Variants in PLEC observed in about 807,000 individuals in gnomAD.
The protein encoded by PLEC is hemidesmosomal protein 1.
In PLEC, 216 loss-of-function variants were observed where a neutral mutation model predicts 392.8. That is an observed-to-expected ratio of 0.55 (90% CI 0.49 to 0.62). The LOEUF is 0.62. PLEC is among the 20% of genes least tolerant of loss of function. PLEC has a pLI of 0.00. For missense variants in PLEC, 6,863 were observed against 6,563.4 expected, an observed-to-expected ratio of 1.05 and a Z score of -1.58; for synonymous variants, 3,621 against 2,980.6, an observed-to-expected ratio of 1.21 and a Z score of -7.00.
chr8:143,942,888 G>A (rs1260715528), upstream of PLEC, among the ~76,000 whole-genome samples: 1 of 152,236 alleles, frequency 6.6e-6, no homozygotes, highest in African/African-American at 2.4e-5. Context: ...GCAGAACCGA[G>A]GAGCTGAGCC....
At chr8:143,946,057 C>A (rs1028339172) in intron 1 of PLEC, among the ~76,000 whole-genome samples, 14 of 152,262 alleles carry the variant, frequency 9.2e-5, no homozygotes, top group African/African-American at 3.4e-4. Flanking sequence ...GCTGGGGAAG[C>A]CTCAGAGGAG....
chr8:143,957,654 TGGCTGCCCTGGCCACAGGCCCA>T (rs1554739593), upstream of PLEC, among the ~76,000 whole-genome samples: 1 of 152,148 alleles, frequency 6.6e-6, no homozygotes, highest in Non-Finnish European at 1.5e-5. Context: ...CCCCAGGCCC[TGGCTGCCCTGGCCACAGGCCCA>T]GGCCAAAGAA....
chr8:143,930,678 G>A (rs1826976027), intron 19 of PLEC, 142 bp from the exon 20 acceptor site: 6 of 871,070 alleles, frequency 6.9e-6, no homozygotes, highest in Non-Finnish European at 8.9e-6. Context: ...AGGTATAGCT[G>A]GGACAGGCCC....
chr8:143,924,355 C>G lies in PLEC; in HGVS notation c.5574G>C (p.Glu1858Asp). 6.3e-7 allele frequency: 1 copy of G among 1,597,180 alleles called. No individual in the cohort carries two copies. The highest frequency in any genetic ancestry group is 8.5e-7 in the Non-Finnish European group (1 of 1,178,796). Reference sequence around the variant, plus strand: ...GCAGGCGCTCGTTCTCCGCCTCCTTCTCCTTGAGCGCGATCTCCGCCTCCG... The same window carrying G: ...GCAGGCGCTCGTTCTCCGCCTCCTTGTCCTTGAGCGCGATCTCCGCCTCCG... The part of the protein sequence containing the change: ...LKTEAEIALK[E>D]KEAENERLRR... The change falls in exon 31 of 32, where the codon GAG (glutamate) becomes GAC (aspartate). Residue 1858 changes from glutamate (E) to aspartate (D), a missense_variant. Physicochemically the swap from Glu to Asp is conservative, Grantham distance 45. Coordinates refer to ENST00000345136, the MANE Select transcript of PLEC (RefSeq NM_201384.3).
chr8:143,923,778 C>A lies in PLEC; in HGVS notation c.6151G>T (p.Glu2051Ter). Residue 2051 changes from glutamate (E) to a stop codon, truncating the protein, a stop_gained, in exon 31 of 32, where the codon GAG becomes TAG. Transcript: ENST00000345136. LOFTEE classifies it high-confidence loss of function. Reference protein sequence around the residue: ...EAAQKRLQAEEKAHAFAVQQK... With the variant: ...EAAQKRLQAE ...TGCACCGCGAAGGCGTGTGCCTTCT[C>A]TTCCGCCTGCAGCCGCTTCTGGGCG... The A allele has an allele frequency of 1.3e-6, 2 of 1,571,736 alleles. No individual in the cohort carries two copies. Among genetic ancestry groups the A allele is most frequent in the South Asian group, 1.1e-5 (1 of 87,626 alleles).
chr8:143,930,659 G>T, intron 19 of PLEC, 123 bp from the exon 20 acceptor site: 1 of 1,001,926 alleles, frequency 1.0e-6, no homozygotes, highest in South Asian at 1.5e-5. Flanking sequence ...GGCAGCACTT[G>T]GAAGCAGGAG....
At chr8:143,938,308 C>G in intron 2 of PLEC, 68 bp from the exon 3 acceptor site, 1 of 1,537,384 alleles carries the variant, frequency 6.5e-7, no homozygotes, top group Admixed American at 1.9e-5. Flanking sequence ...AGTGGCTGAT[C>G]TACAGAGTGG....
At chr8:143,942,571 G>C, upstream of PLEC, 1 of 1,488,274 alleles carries the variant, frequency 6.7e-7, no homozygotes, top group Non-Finnish European at 8.9e-7. Context: ...GAGCTGGACC[G>C]CGGCGGCGCC....
intron 25 of PLEC, 97 bp from the exon 26 acceptor site, chr8:143,928,089 C>G: frequency 6.9e-7 from 1 of 1,449,778 alleles, no homozygotes; most frequent in Non-Finnish European, 9.2e-7. Context: ...TGCTGCCTGC[C>G]AAGCCCAGAC....
rs1171988140 is a variant in PLEC at position 143,923,342 on chromosome 8, T to C, written c.6587A>G (p.Glu2196Gly). 6.2e-7 allele frequency: 1 copy of C among 1,610,158 alleles called. No homozygotes were observed. Among genetic ancestry groups the C allele is most frequent in the African/African-American group, 1.3e-5 (1 of 74,854 alleles). ...QELTTLRLQLEETDHQKNLLD... is the reference protein window; with the variant it reads ...QELTTLRLQLGETDHQKNLLD... ...CAGGTTCTTCTGGTGGTCGGTCTCC[T>C]CCAGCTGCAGCCGCAGTGTTGTCAG... Residue 2196 changes from glutamate (E) to glycine (G), a missense_variant, in exon 31 of 32, where the codon GAG becomes GGG. Coordinates refer to ENST00000345136, the MANE Select transcript of PLEC (RefSeq NM_201384.3).
At position 143,973,337 on chromosome 8, in the gene PLEC, C is replaced by G; in HGVS notation, c.70+66G>C. ...CGGCGATCGGGACCGCCACCGTGGA[C>G]GACAAGGTGCTCGGCGGCTGGGCTG... On this transcript the variant is annotated intron_variant, in intron 1 of 31. Coordinates refer to the PLEC transcript ENST00000356346. This position sits in a 1 kb window ranked among gnomAD's most constrained non-coding sequence, Gnocchi z 5.6. 11 of 1,527,428 alleles carry G rather than the reference C, an allele frequency of 7.2e-6. No homozygotes were observed. The highest frequency in any genetic ancestry group is 9.7e-6 in the Non-Finnish European group (11 of 1,133,550). 94.6% of individuals were successfully genotyped at this position (1,527,428 alleles called of 1,614,324 possible). A position where few individuals can be genotyped will look rare whatever the true frequency, so the allele number is the denominator to read the frequency against.
At chr8:143,944,681 G>T in intron 1 of PLEC, 1 of 1,329,072 alleles carries the variant, frequency 7.5e-7, no homozygotes. Flanking sequence ...GGTGGCAGGA[G>T]CCCACGGGGC....
chr8:143,964,980 TCCCCCAACCAACCCCCACC>T (rs1833018698), intron 1 of PLEC, among the ~76,000 whole-genome samples: 1 of 69,390 alleles, frequency 1.4e-5, no homozygotes, highest in Non-Finnish European at 2.9e-5. Flanking sequence ...CCAGCCCCAC[TCCCCCAACCAACCCCCACC>T]CCCCCGCCCA....
rs1554690530 is a variant in PLEC at position 143,922,804 on chromosome 8, C to T, written c.7125G>A (p.Gln2375=). 1.9e-6 allele frequency: 3 copies of T among 1,585,734 alleles called. No individual in the cohort carries two copies. Among genetic ancestry groups the T allele is most frequent in the Admixed American group, 1.7e-5 (1 of 57,192 alleles). The change falls in exon 31 of 32, where the codon CAG becomes CAA. Residue 2375 remains glutamine (Q), a synonymous_variant. Coordinates refer to ENST00000345136, the MANE Select transcript of PLEC (RefSeq NM_201384.3). ...QRTLEAERQR[Q]LEMSAEAERL... is the part of the protein sequence containing the mutation. Reference sequence around the variant, plus strand: ...GCTCAGCCTCAGCGCTCATCTCCAGCTGCCGCTGCCGCTCGGCCTCCAGCG... The same window carrying T: ...GCTCAGCCTCAGCGCTCATCTCCAGTTGCCGCTGCCGCTCGGCCTCCAGCG...
chr8:143,919,239 CCAG>C lies in PLEC; in HGVS notation c.10579_10581del (p.Leu3527del). ...GTCTCGGGGTCCTCCACGCACCGCT[CCAG>C]CAGCTGCCTGTACGTGAGGTTCTCA... On this transcript the variant is annotated inframe_deletion, in exon 32 of 32. Transcript: ENST00000345136. 1 of 1,613,944 alleles carries C rather than the reference CCAG, an allele frequency of 6.2e-7. No homozygotes were observed. Among genetic ancestry groups the C allele is most frequent in the Non-Finnish European group, 8.5e-7 (1 of 1,180,046 alleles).
In PLEC at chr8:143,916,409, G is replaced by A; in HGVS notation, c.13412C>T (p.Thr4471Ile). Reference protein sequence around the residue: ...LRLLEAAAQSTKGYYSPYSVS... With the variant: ...LRLLEAAAQSIKGYYSPYSVS... ...GCTGTAGGGGCTGTAGTAGCCCTTGGTGGACTGCGCGGCAGCCTCCAGCAG... is the reference window on the plus strand; with the variant it reads ...GCTGTAGGGGCTGTAGTAGCCCTTGATGGACTGCGCGGCAGCCTCCAGCAG... The change falls in exon 32 of 32, where the codon ACC becomes ATC. Residue 4471 changes from threonine (T) to isoleucine (I), a missense_variant. Transcript: ENST00000345136. 1 of 1,611,482 alleles carries A rather than the reference G, an allele frequency of 6.2e-7. No homozygotes were observed. The highest frequency in any genetic ancestry group is 8.5e-7 in the Non-Finnish European group (1 of 1,179,370).
At position 143,930,053 on chromosome 8, in the gene PLEC, G is replaced by A. The variant is rs1554712734; in HGVS notation, c.2622C>T (p.Ala874=). The A allele has an allele frequency of 6.2e-7, 1 of 1,611,118 alleles. No homozygotes were observed. The highest frequency in any genetic ancestry group is 1.7e-5 in the Admixed American group (1 of 59,998). The change falls in exon 22 of 32, where the codon GCC becomes GCT. Residue 874 remains alanine, a synonymous_variant. Coordinates refer to ENST00000345136, the MANE Select transcript of PLEC (RefSeq NM_201384.3). ...ACAGCGTGACCAGGGCCTGGTGCTG[G>A]GCCTCCAGCCTGGCAGGTCAGGGCT... ...EAQEAVTRLE[A]QHQALVTLWH... is the part of the protein sequence containing the mutation.
Position 143,917,178 on chromosome 8 carries a change from C to T in PLEC, c.12643G>A (p.Asp4215Asn), listed in dbSNP as rs782345860. ...IDDAIAKNLIDRSALDQYRAG... is the reference protein window; with the variant it reads ...IDDAIAKNLINRSALDQYRAG... Reference sequence around the variant, plus strand: ...CGGTACTGGTCCAGTGCCGAGCGGTCGATGAGGTTCTTGGCGATGGCATCA... The same window carrying T: ...CGGTACTGGTCCAGTGCCGAGCGGTTGATGAGGTTCTTGGCGATGGCATCA... The change falls in exon 32 of 32, where the codon GAC becomes AAC. Residue 4215 changes from aspartate to asparagine, a missense_variant. Asp to Asn is a conservative substitution (Grantham distance 23). Coordinates refer to ENST00000345136, the MANE Select transcript of PLEC (RefSeq NM_201384.3). The T allele has an allele frequency of 1.2e-5, 19 of 1,612,146 alleles. No individual in the cohort carries two copies. Among genetic ancestry groups the T allele is most frequent in the Middle Eastern group, 1.6e-4 (1 of 6,084 alleles).
At position 143,923,089 on chromosome 8, in the gene PLEC, GGCC is replaced by G; in HGVS notation, c.6837_6839del (p.Glu2279_Ala2280delinsAsp). The G allele has an allele frequency of 6.2e-7, 1 of 1,606,752 alleles. No homozygotes were observed. Among genetic ancestry groups the G allele is most frequent in the Non-Finnish European group, 8.5e-7 (1 of 1,179,728 alleles). On this transcript the variant is annotated inframe_deletion, in exon 31 of 32. Transcript: ENST00000345136. The stretch of plus-strand genomic sequence containing the variant: ...CTTGGGCCGCCACACTCAGCCGCGC[GGCC>G]TCCTCCGCCACCTGCTTCATCTTCT...
Sources: allele counts gnomAD v4.1 joint callset (sites outside exome capture counted in the v4.1 genomes callset), GRCh38; gene constraint gnomAD v4.1.1; non-coding constraint Gnocchi (gnomAD v3.1); transcripts MANE v1.5; gene names NCBI Gene and HGNC (gene_info 2026-07-23, HGNC 2026-07-21).